Variants in COL4A1 observed in about 807,000 individuals in gnomAD.
The protein encoded by COL4A1 is collagen alpha-1(IV) chain.
In COL4A1, 40 loss-of-function variants were observed where a neutral mutation model predicts 216.6. That is an observed-to-expected ratio of 0.18 (90% CI 0.14 to 0.24). The LOEUF (loss-of-function observed/expected upper bound fraction) is 0.24, where lower values mean the gene tolerates loss of function less well. Ranked by LOEUF, COL4A1 falls within the 10% of genes least tolerant of loss-of-function variation. The pLI, the probability that COL4A1 is intolerant of heterozygous loss-of-function variation, is 1.00. For missense variants in COL4A1, 1,628 were observed against 2,196.8 expected (o/e 0.74, Z 5.18); for synonymous variants, 839 against 810.7 (o/e 1.03, Z -0.59).
intron 2 of COL4A1, among the ~76,000 whole-genome samples, chr13:110,220,445 GA>G (rs1880419932): frequency 1.3e-5 from 2 of 152,176 alleles, no homozygotes; most frequent in South Asian, 4.1e-4. Context: ...GTGAAAACCA[GA>G]ACGGCTTGTG....
intron 1 of COL4A1, among the ~76,000 whole-genome samples, chr13:110,261,743 G>A (rs1249863122): frequency 3.3e-5 from 5 of 152,208 alleles, no homozygotes; most frequent in East Asian, 1.9e-4. Context: ...GAGGGAAGCC[G>A]CGCAGGGGCA....
chr13:110,203,371 T>C (rs1260124017), intron 18 of COL4A1, among the ~76,000 whole-genome samples, 195 bp downstream of exon 18: 1 of 152,212 alleles, frequency 6.6e-6, no homozygotes, highest in Non-Finnish European at 1.5e-5. Context: ...TCAAGTAGCA[T>C]GAACCACTTT....
At chr13:110,161,109 GAAA>G in intron 49 of COL4A1, 80 bp downstream of exon 49, 1 of 1,441,976 alleles carries the variant, frequency 6.9e-7, no homozygotes, top group East Asian at 2.3e-5. Context: ...ACGTTTTGGA[GAAA>G]AATAGAAAAC....
intron 48 of COL4A1, chr13:110,161,996 A>G: frequency 6.7e-6 from 4 of 598,324 alleles, no homozygotes; most frequent in South Asian, 4.0e-5. Flanking sequence ...TCGAAGATTC[A>G]GTCTCCACAT....
chr13:110,301,581 T>A (rs1247994170), intron 1 of COL4A1, among the ~76,000 whole-genome samples: 1 of 152,186 alleles, frequency 6.6e-6, no homozygotes, highest in Non-Finnish European at 1.5e-5. Flanking sequence ...TAGGCTGGAT[T>A]TTTTAAAATC....
At chr13:110,164,625 G>A (rs1877247375) in intron 46 of COL4A1, among the ~76,000 whole-genome samples, 1 of 152,188 alleles carries the variant, frequency 6.6e-6, no homozygotes, top group Non-Finnish European at 1.5e-5. Flanking sequence ...ACTGAACACA[G>A]ATGTGTTGTT....
At chr13:110,213,712 G>T in intron 4 of COL4A1, 70 bp downstream of exon 4, 1 of 1,497,550 alleles carries the variant, frequency 6.7e-7, no homozygotes, top group South Asian at 1.1e-5. Context: ...GGAGGGAAAA[G>T]GTGCCCGGCT....
At chr13:110,202,216 C>T (rs1212900186) in intron 18 of COL4A1, among the ~76,000 whole-genome samples, 4 of 142,738 alleles carry the variant, frequency 2.8e-5, no homozygotes, top group African/African-American at 1.1e-4. Flanking sequence ...TACTTTACAA[C>T]GTATTATGAG....
intron 29 of COL4A1, among the ~76,000 whole-genome samples, chr13:110,180,673 C>T (rs948986666): frequency 1.3e-5 from 2 of 152,242 alleles, no homozygotes; most frequent in Admixed American, 1.3e-4. Flanking sequence ...AAGTTGGTAG[C>T]AGAATATTTG....
chr13:110,235,670 A>AAG (rs1786963772), intron 2 of COL4A1, among the ~76,000 whole-genome samples: 1 of 151,556 alleles, frequency 6.6e-6, no homozygotes, highest in Admixed American at 6.6e-5. Context: ...AAAAAAAAAA[A>AAG]AAGAAGATAT....
chr13:110,167,120 GC>G (rs1233520697), intron 44 of COL4A1, 37 bp downstream of exon 44: 1 of 1,572,746 alleles, frequency 6.4e-7, no homozygotes, highest in Non-Finnish European at 8.8e-7. Context: ...AGCGTCTGCT[GC>G]TGCAAAGGCT....
chr13:110,187,976 C>CA (rs1057041212), intron 24 of COL4A1, among the ~76,000 whole-genome samples: 5 of 152,288 alleles, frequency 3.3e-5, no homozygotes, highest in Admixed American at 3.3e-4. Context: ...TGGGCCAGCT[C>CA]TAAAATGAGT....
intron 1 of COL4A1, among the ~76,000 whole-genome samples, chr13:110,267,224 C>T (rs925141419): frequency 1.3e-5 from 2 of 152,150 alleles, no homozygotes; most frequent in South Asian, 2.1e-4. Context: ...GGAAGGACCT[C>T]GCACTATCTG....
intron 1 of COL4A1, among the ~76,000 whole-genome samples, chr13:110,264,685 T>G (rs1882953395): frequency 6.6e-6 from 1 of 152,194 alleles, no homozygotes. Flanking sequence ...GAATCAAAAG[T>G]ATTAAATAAT....
chr13:110,215,131 C>T (rs1051576244), intron 2 of COL4A1, among the ~76,000 whole-genome samples: 1 of 152,186 alleles, frequency 6.6e-6, no homozygotes, highest in African/African-American at 2.4e-5. Flanking sequence ...GCCTCCAAGA[C>T]GTCTTCCTCT....
intron 1 of COL4A1, among the ~76,000 whole-genome samples, chr13:110,249,869 A>G (rs1418847676): frequency 2.6e-5 from 4 of 152,206 alleles, no homozygotes; most frequent in Non-Finnish European, 1.5e-5. Context: ...ACATTTTTCA[A>G]CTTCCAAAAA....
Position 110,192,869 on chromosome 13 carries a change from G to A in COL4A1, c.1426C>T (p.Arg476Trp), listed in dbSNP as rs369960952. 9.3e-5 allele frequency: 150 copies of A among 1,614,068 alleles called. 1 individual carries two copies. The South Asian group carries it at 1.0e-3, about 11-fold the overall frequency. The stretch of plus-strand genomic sequence containing the variant: ...GGTCCCTGTGGCCCGGGAGGCCCCC[G>A]ATATCCGTCTATATCACAGATGAGG... ...SCLICDIDGY[R>W]GPPGPQGPPG... is the part of the protein sequence containing the mutation. Residue 476 changes from arginine (R) to tryptophan (W), a missense_variant, in exon 23 of 52, where the codon CGG becomes TGG. By Grantham distance (101) the Arg-to-Trp change is moderately radical (BLOSUM62 -3). Around this residue, in one of 8 missense-constraint regions of COL4A1, gnomAD observed 701 missense variants for 892.5 expected, o/e 0.79. Coordinates refer to ENST00000375820, the MANE Select transcript of COL4A1 (RefSeq NM_001845.6).
At chr13:110,170,288 G>A (rs1246140425) in intron 42 of COL4A1, among the ~76,000 whole-genome samples, 4 of 152,278 alleles carry the variant, frequency 2.6e-5, no homozygotes, top group East Asian at 3.9e-4. Flanking sequence ...TAAGTCCAAC[G>A]CCACCGACGG....
At position 110,203,589 on chromosome 13, in the gene COL4A1, C is replaced by A. The variant is rs761712661; in HGVS notation, c.976G>T (p.Gly326Cys). Residue 326 changes from glycine (G) to cysteine (C), a missense_variant, in exon 18 of 52, where the codon GGT (glycine) becomes TGT (cysteine). By Grantham distance (159) the Gly-to-Cys change is radical. Around this residue, in one of 8 missense-constraint regions of COL4A1, gnomAD observed 701 missense variants for 892.5 expected, o/e 0.79. Transcript: ENST00000375820. Reference sequence around the variant, plus strand: ...ACAATTCCAGGTGGGCCAGGAGGACCTGCTTCACCCTTTTCTCCCTACAAA... The same window carrying A: ...ACAATTCCAGGTGGGCCAGGAGGACATGCTTCACCCTTTTCTCCCTACAAA... ...QGPQGEKGEAGPPGPPGIVIG... is the reference protein window; with the variant it reads ...QGPQGEKGEACPPGPPGIVIG... 1.2e-6 allele frequency: 2 copies of A among 1,614,122 alleles called. No homozygotes were observed. Among genetic ancestry groups the A allele is most frequent in the Non-Finnish European group, 1.7e-6 (2 of 1,180,038 alleles).
Sources: gnomAD v4.1 joint callset for allele counts (sites outside exome capture counted in the v4.1 genomes callset) on GRCh38, gnomAD v4.1.1 for gene constraint, gnomAD v4.1.1 regional missense constraint, MANE v1.5 for transcripts, NCBI Gene and HGNC (gene_info 2026-07-23, HGNC 2026-07-21) for gene names.